MACROD2: variants seen among roughly 807,000 people sequenced by gnomAD.
MACROD2 encodes the protein mono-ADP ribosylhydrolase 2, also known as ADP-ribose glycohydrolase MACROD2.
In MACROD2, 36 loss-of-function variants were observed where a neutral mutation model predicts 70.4. The ratio of observed to expected loss-of-function variants is 0.51; its 90% confidence interval spans 0.39 to 0.68. MACROD2 has a LOEUF of 0.68. Among genes scored for constraint, MACROD2 ranks in the 30% least tolerant of loss-of-function variants. The pLI is 0.00. For missense variants in MACROD2, 496 were observed against 538.4 expected (o/e 0.92, Z 0.78); for synonymous variants, 172 against 178.8 (o/e 0.96, Z 0.30).
rs545579395 is a variant in MACROD2 at position 14,936,225 on chromosome 20, A to G, written c.418+251266A>G. 5.3e-5 allele frequency among the ~76,000 whole-genome samples: 8 copies of G among 152,340 alleles called. No homozygotes were observed. In the South Asian group the frequency reaches 1.5e-3, roughly 28 times the overall value. Reference sequence around the variant, plus strand: ...CATAGGAGTTGAAAACTGAAGGTCAAGAAGGAGCCAGCCTTGCAGAGATCT... The same window carrying G: ...CATAGGAGTTGAAAACTGAAGGTCAGGAAGGAGCCAGCCTTGCAGAGATCT... On this transcript the variant is annotated intron_variant, in intron 5 of 17. Transcript: ENST00000684519.
chr20:14,559,379 T>A (rs1979274559), intron 4 of MACROD2, among the ~76,000 whole-genome samples: 1 of 151,812 alleles, frequency 6.6e-6, no homozygotes, highest in African/African-American at 2.4e-5. Flanking sequence ...CTAGCAGTTT[T>A]AATACCTTAT....
chr20:14,462,053 A>G (rs1568622837), intron 3 of MACROD2, among the ~76,000 whole-genome samples: 2 of 151,980 alleles, frequency 1.3e-5, no homozygotes, highest in Admixed American at 1.3e-4. Context: ...TCTTCCAGTA[A>G]TGGGATGGCT....
intron 3 of MACROD2, among the ~76,000 whole-genome samples, chr20:14,147,779 C>G (rs1236647583): frequency 6.6e-6 from 1 of 152,114 alleles, no homozygotes; most frequent in Non-Finnish European, 1.5e-5. Context: ...ATCTTCAGAT[C>G]ATTTGAAAAA....
At chr20:16,000,275 G>A (rs1051578997) in intron 15 of MACROD2, among the ~76,000 whole-genome samples, 11 of 152,084 alleles carry the variant, frequency 7.2e-5, no homozygotes, top group African/African-American at 2.7e-4. Flanking sequence ...AGACATATAC[G>A]CATCCACTTG....
At chr20:15,188,179 G>A (rs2076546069) in intron 5 of MACROD2, among the ~76,000 whole-genome samples, 1 of 151,968 alleles carries the variant, frequency 6.6e-6, no homozygotes, top group Non-Finnish European at 1.5e-5. Flanking sequence ...CTTTGTTGTC[G>A]AGGCTGTCTA....
At chr20:14,380,280 C>T (rs1429365846) in intron 3 of MACROD2, among the ~76,000 whole-genome samples, 2 of 152,046 alleles carry the variant, frequency 1.3e-5, no homozygotes, top group East Asian at 1.9e-4. Flanking sequence ...AGCCCTTTGC[C>T]CATTTTTTAG....
intron 3 of MACROD2, among the ~76,000 whole-genome samples, chr20:14,272,924 A>G (rs2082210423): frequency 6.6e-6 from 1 of 152,076 alleles, no homozygotes; most frequent in African/African-American, 2.4e-5. Flanking sequence ...TAAAGGGATC[A>G]ATTCAACAAG....
chr20:15,483,797 C>T (rs927818807), intron 7 of MACROD2, among the ~76,000 whole-genome samples: 5 of 151,794 alleles, frequency 3.3e-5, no homozygotes, highest in African/African-American at 1.2e-4. Context: ...TAGATTTACA[C>T]CTAAGTATTT....
chr20:14,719,473 G>GAAAAAAAAAAAAAGAAA (rs2071437623), intron 5 of MACROD2, among the ~76,000 whole-genome samples: 1 of 136,338 alleles, frequency 7.3e-6, no homozygotes, highest in East Asian at 2.1e-4. Context: ...AAGATAGAAA[G>GAAAAAAAAAAAAAGAAA]AAAAAAAAAA....
rs552104490 is a variant in MACROD2 at position 15,324,926 on chromosome 20, A to G, written c.540+94865A>G. 3.3e-5 allele frequency among the ~76,000 whole-genome samples: 5 copies of G among 152,306 alleles called. No homozygotes were observed. The East Asian group carries it at 9.6e-4, about 29-fold the overall frequency. On this transcript the variant is annotated intron_variant, in intron 6 of 17. Transcript: ENST00000684519. ...TAACTTGACCTTTCTTGCAAAGAGT[A>G]TTAAAACTGTTTTTAAAGAATTCCT...
intron 5 of MACROD2, among the ~76,000 whole-genome samples, chr20:14,900,477 A>G (rs987328291): frequency 6.6e-6 from 1 of 152,010 alleles, no homozygotes; most frequent in Non-Finnish European, 1.5e-5. Flanking sequence ...TTACAAGTCA[A>G]TCTCTTTGCT....
intron 8 of MACROD2, among the ~76,000 whole-genome samples, chr20:15,646,899 G>T (rs890778601): frequency 6.6e-6 from 1 of 152,206 alleles, no homozygotes; most frequent in Non-Finnish European, 1.5e-5. Flanking sequence ...GTTCTTTACA[G>T]TAGCGTGAAA....
chr20:15,551,797 A>C (rs2048101076), intron 8 of MACROD2, among the ~76,000 whole-genome samples: 1 of 146,972 alleles, frequency 6.8e-6, no homozygotes, highest in South Asian at 2.2e-4. Context: ...GAGCCTGAGG[A>C]GGTCAAGGCT....
intron 5 of MACROD2, among the ~76,000 whole-genome samples, chr20:14,948,002 A>G (rs2074446270): frequency 6.6e-6 from 1 of 152,018 alleles, no homozygotes; most frequent in Non-Finnish European, 1.5e-5. Flanking sequence ...CTTAACTTTC[A>G]AGGAGCAGCT....
chr20:14,667,264 C>T (rs2070745683), intron 4 of MACROD2, among the ~76,000 whole-genome samples: 1 of 152,072 alleles, frequency 6.6e-6, no homozygotes, highest in African/African-American at 2.4e-5. Flanking sequence ...GCATTGCTAG[C>T]CAGCACTCCT....
At chr20:14,436,150 G>C (rs1167826583) in intron 3 of MACROD2, among the ~76,000 whole-genome samples, 1 of 148,598 alleles carries the variant, frequency 6.7e-6, no homozygotes, top group Non-Finnish European at 1.5e-5. Flanking sequence ...TAAAGCAAAA[G>C]AAAAAAAAAA....
intron 4 of MACROD2, among the ~76,000 whole-genome samples, chr20:14,520,117 T>C (rs780241905): frequency 6.6e-6 from 1 of 152,178 alleles, no homozygotes; most frequent in African/African-American, 2.4e-5. Context: ...TCAGGTACTA[T>C]GCTTGGTACC....
Position 15,603,346 on chromosome 20 carries a change from A to T in MACROD2, c.645+103499A>T, listed in dbSNP as rs947610070. Among the ~76,000 whole-genome samples, 11 of 122,152 alleles carry T rather than the reference A, an allele frequency of 9.0e-5. No individual in the cohort carries two copies. In the South Asian group the frequency reaches 1.4e-3, roughly 15 times the overall value. The allele number at this position is 122,152 out of a possible 152,430, so 80.1% of individuals were successfully genotyped here. The stretch of plus-strand genomic sequence containing the variant: ...AACCCCATCTCTACTAAAAATATTT[A>T]AAAAAAAAAAAATTAGCCAGACATG... On this transcript the variant is annotated intron_variant, in intron 8 of 17. Coordinates refer to ENST00000684519, the MANE Select transcript of MACROD2 (RefSeq NM_001351661.2).
intron 4 of MACROD2, among the ~76,000 whole-genome samples, chr20:14,653,724 A>G (rs113645823): frequency 1.1e-4 from 17 of 152,266 alleles, no homozygotes; most frequent in African/African-American, 4.1e-4. Context: ...TGTACACCTC[A>G]GGTGTTCTTT....
Sources: gnomAD v4.1 joint callset for allele counts (sites outside exome capture counted in the v4.1 genomes callset) on GRCh38, gnomAD v4.1.1 for gene constraint, MANE v1.5 for transcripts, NCBI Gene and HGNC (gene_info 2026-07-23, HGNC 2026-07-21) for gene names.